Variants in PCDHA12 observed in about 807,000 individuals in gnomAD.
The protein encoded by PCDHA12 is protocadherin alpha-12.
Under a neutral mutation model 60.0 loss-of-function variants are expected in PCDHA12, and 44 were observed. That is an observed-to-expected ratio of 0.73 (90% CI 0.58 to 0.94). The LOEUF (loss-of-function observed/expected upper bound fraction) is 0.94. Ranked by LOEUF, PCDHA12 falls within the 40% of genes least tolerant of loss-of-function variation. The probability of loss-of-function intolerance (pLI) is 0.00; values close to 1 mark genes in which losing one functional copy is unlikely to be tolerated. For missense variants in PCDHA12, 1,276 were observed against 1,239.7 expected (o/e 1.03, Z -0.44); for synonymous variants, 569 against 553.0 (o/e 1.03, Z -0.40).
rs568088223 is a variant in PCDHA12, at chr5:140,879,577, G to T, written c.2367+1738G>T. ...ATCCATGAAAGAATAAAATTGCCAA[G>T]ACAGACATTGAAAAGTGAAAAACAA... is the stretch of plus-strand genomic sequence containing the variant. On this transcript the variant is annotated intron_variant, in intron 1 of 3. Transcript: ENST00000398631. Among the ~76,000 whole-genome samples, 5 of 152,302 alleles carry T rather than the reference G, an allele frequency of 3.3e-5. No homozygotes were observed. In the South Asian group the frequency reaches 1.0e-3, roughly 32 times the overall value.
intron 2 of PCDHA12, among the ~76,000 whole-genome samples, chr5:140,979,275 C>T (rs141662665): frequency 6.6e-6 from 1 of 152,320 alleles, no homozygotes; most frequent in East Asian, 1.9e-4. Flanking sequence ...AAAATTTCTA[C>T]AGGGAAGTAA....
chr5:140,978,037 A>G (rs1260035731), intron 1 of PCDHA12, among the ~76,000 whole-genome samples: 12 of 152,322 alleles, frequency 7.9e-5, no homozygotes, highest in African/African-American at 2.4e-4. Flanking sequence ...GATACAAGAC[A>G]GTGATGGTGA....
chr5:141,000,894 ATAGACGCT>A (rs1348330251), intron 3 of PCDHA12, among the ~76,000 whole-genome samples: 1 of 152,128 alleles, frequency 6.6e-6, no homozygotes, highest in African/African-American at 2.4e-5. Context: ...GGCAACAGAT[ATAGACGCT>A]GTCTCTAAAA....
intron 1 of PCDHA12, chr5:140,967,505 G>C (rs782818141): frequency 2.4e-5 from 39 of 1,612,940 alleles, no homozygotes; most frequent in Non-Finnish European, 3.2e-5. Context: ...CTCTGTGCGT[G>C]TCCTGGACAC....
intron 3 of PCDHA12, among the ~76,000 whole-genome samples, chr5:141,000,421 A>ATTTTTTTTTTT (rs34755515): frequency 3.6e-5 from 1 of 27,968 alleles, no homozygotes; most frequent in Non-Finnish European, 5.7e-5. Context: ...ATATATATAT[A>ATTTTTTTTTTT]TTTTTTTTTT....
chr5:140,877,376 G>A lies in PCDHA12; in HGVS notation c.1904G>A (p.Arg635His). 6.2e-7 allele frequency: 1 copy of A among 1,614,014 alleles called. No individual in the cohort carries two copies. The highest frequency in any genetic ancestry group is 8.5e-7 in the Non-Finnish European group (1 of 1,179,896). ...GLYTGEISTT[R>H]ILDEADAPRH... is the part of the protein sequence containing the mutation. Reference sequence around the variant, plus strand: ...TACACTGGCGAGATCAGCACGACACGCATCCTGGATGAGGCGGACGCTCCG... The same window carrying A: ...TACACTGGCGAGATCAGCACGACACACATCCTGGATGAGGCGGACGCTCCG... The change falls in exon 1 of 4, where the codon CGC (arginine) becomes CAC (histidine). Residue 635 changes from arginine (R) to histidine (H), a missense_variant. Arg to His is a conservative substitution (Grantham distance 29). Coordinates refer to ENST00000398631, the MANE Select transcript of PCDHA12 (RefSeq NM_018903.4).
intron 3 of PCDHA12, among the ~76,000 whole-genome samples, chr5:141,004,088 T>G (rs797038928): frequency 3.4e-4 from 52 of 152,346 alleles, no homozygotes; most frequent in African/African-American, 1.2e-3. Flanking sequence ...GAAATGTGCT[T>G]CTTCCGTTTT....
intron 1 of PCDHA12, chr5:140,966,586 T>C (rs1339521044): frequency 5.5e-6 from 3 of 548,910 alleles, no homozygotes; most frequent in Non-Finnish European, 8.8e-6. Flanking sequence ...GCGAGGACGG[T>C]GGGGCCAGGA....
intron 1 of PCDHA12, among the ~76,000 whole-genome samples, chr5:140,971,541 G>A (rs544682624): frequency 6.6e-6 from 1 of 152,172 alleles, no homozygotes; most frequent in Non-Finnish European, 1.5e-5. Context: ...ATCATTGCCA[G>A]ATCAACCTGT....
At chr5:140,915,207 A>G (rs1238146165) in intron 1 of PCDHA12, among the ~76,000 whole-genome samples, 2 of 152,154 alleles carry the variant, frequency 1.3e-5, no homozygotes, top group Non-Finnish European at 2.9e-5. Flanking sequence ...TTGGCCTCCC[A>G]AAGTGCTGGG....
At chr5:140,915,362 A>C (rs2077085780) in intron 1 of PCDHA12, among the ~76,000 whole-genome samples, 2 of 152,274 alleles carry the variant, frequency 1.3e-5, no homozygotes, top group East Asian at 3.9e-4. Flanking sequence ...TATTCTTACC[A>C]GTAAGTGTCT....
chr5:140,925,641 TATAATA>T (rs10569930), intron 1 of PCDHA12, among the ~76,000 whole-genome samples: 8,694 of 143,320 alleles, frequency 0.061, 267 homozygotes, highest in Non-Finnish European at 0.068. Flanking sequence ...GAACTTAAAG[TATAATA>T]ATAATAATAA....
intron 1 of PCDHA12, among the ~76,000 whole-genome samples, chr5:140,901,369 C>G (rs1366309820): frequency 1.3e-5 from 2 of 152,120 alleles, no homozygotes; most frequent in African/African-American, 2.4e-5. Flanking sequence ...GTCTTTAATC[C>G]ATTTTAATTC....
chr5:140,968,629 T>C, intron 1 of PCDHA12: 1 of 1,614,174 alleles, frequency 6.2e-7, no homozygotes, highest in Non-Finnish European at 8.5e-7. Context: ...CTTGGCTTTT[T>C]TACCATCTAG....
intron 1 of PCDHA12, among the ~76,000 whole-genome samples, chr5:140,918,282 C>CT (rs1554198523): frequency 6.6e-6 from 1 of 152,016 alleles, no homozygotes; most frequent in African/African-American, 2.4e-5. Context: ...GATGTAGGAG[C>CT]TTTTTGGCAG....
chr5:140,876,094 C>T lies in PCDHA12; in HGVS notation c.622C>T (p.Leu208Phe), dbSNP rs782479233. 13 of 1,613,808 alleles carry T rather than the reference C, an allele frequency of 8.1e-6. No homozygotes were observed. In the Admixed American group the frequency reaches 1.5e-4, roughly 19 times the overall value. Residue 208 changes from leucine to phenylalanine, a missense_variant, in exon 1 of 4, where the codon CTC (leucine) becomes TTC (phenylalanine). Physicochemically the swap from Leu to Phe is conservative, Grantham distance 22 (BLOSUM62 0). Transcript: ENST00000398631. ...ATTGGACAGAGAGCAAACGCCAAAA[C>T]TCAATTTATTGCTGATGGTAATCGA... ...KLLDREQTPK[L>F]NLLLMVIDGG...
chr5:140,936,016 C>G (rs1170221921), intron 1 of PCDHA12, among the ~76,000 whole-genome samples: 1 of 151,732 alleles, frequency 6.6e-6, no homozygotes, highest in Non-Finnish European at 1.5e-5. Context: ...CCTCAGCCTC[C>G]CGAGTAGCGG....
intron 3 of PCDHA12, among the ~76,000 whole-genome samples, chr5:140,992,543 T>G (rs1226407687): frequency 6.6e-6 from 1 of 152,186 alleles, no homozygotes; most frequent in African/African-American, 2.4e-5. Flanking sequence ...CTGTCACAAG[T>G]GATGCCAGGA....
At chr5:140,909,186 A>G (rs552786721) in intron 1 of PCDHA12, among the ~76,000 whole-genome samples, 1 of 152,336 alleles carries the variant, frequency 6.6e-6, no homozygotes, top group Admixed American at 6.5e-5. Context: ...TCCAAACAAG[A>G]TTATGACACA....
Sources: gnomAD v4.1 joint callset for allele counts (sites outside exome capture counted in the v4.1 genomes callset) on GRCh38, gnomAD v4.1.1 for gene constraint, MANE v1.5 for transcripts, NCBI Gene and HGNC (gene_info 2026-07-23, HGNC 2026-07-21) for gene names.